NUB1: variants seen among roughly 807,000 people sequenced by gnomAD.
The protein encoded by NUB1 is NEDD8 ultimate buster 1.
A neutral mutation model predicts 77.1 loss-of-function variants in NUB1; 41 were observed. The ratio of observed to expected loss-of-function variants is 0.53; its 90% CI spans 0.41 to 0.69. NUB1 has a LOEUF of 0.69. NUB1 is among the 30% of genes least tolerant of loss of function. The pLI, the probability that NUB1 is intolerant of heterozygous loss-of-function variation, is 0.00. For missense variants in NUB1, 643 were observed against 743.8 expected, an observed-to-expected ratio of 0.86 and a Z score of 1.58; for synonymous variants, 257 against 281.0, an observed-to-expected ratio of 0.91 and a Z score of 0.85.
chr7:151,345,347 G>C lies in NUB1; in HGVS notation c.-2-1G>C. ...TTATTAATGTATTGTTTTGCTTTCA[G>C]GGATGGCACAAAAGAAATATCTTCA... On this transcript the variant is annotated splice_acceptor_variant, in intron 1 of 14. Coordinates refer to ENST00000568733, the MANE Select transcript of NUB1 (RefSeq NM_001243351.2). LOFTEE classifies it low-confidence loss of function (5UTR_SPLICE). 6.3e-7 allele frequency: 1 copy of C among 1,589,076 alleles called. No homozygotes were observed. The highest frequency in any genetic ancestry group is 1.1e-5 in the South Asian group (1 of 89,446).
chr7:151,358,267 C>T (rs772477333), intron 7 of NUB1, among the ~76,000 whole-genome samples: 3 of 152,194 alleles, frequency 2.0e-5, no homozygotes, highest in African/African-American at 4.8e-5. Flanking sequence ...CCACTGTGCC[C>T]GGCCAATGTT....
Position 151,376,628 on chromosome 7 carries a change from C to T in NUB1, c.1492-6C>T, listed in dbSNP as rs1798282830. ...CTGATGCTGTGACCCCTGCGCTCTC[C>T]CCTAGTTGGTGTACATGGGTTTTGA... On this transcript the variant is annotated splice_region_variant and splice_polypyrimidine_tract_variant and intron_variant, in intron 13 of 14. Transcript: ENST00000568733. 3 of 1,606,634 alleles carry T rather than the reference C, an allele frequency of 1.9e-6. No homozygotes were observed. Among genetic ancestry groups the T allele is most frequent in the Non-Finnish European group, 2.6e-6 (3 of 1,176,450 alleles).
At chr7:151,368,450 G>C (rs1797801950) in intron 10 of NUB1, among the ~76,000 whole-genome samples, 1 of 152,242 alleles carries the variant, frequency 6.6e-6, no homozygotes, top group Non-Finnish European at 1.5e-5. Flanking sequence ...GTGCACAGCT[G>C]AAATTCGGGG....
intron 8 of NUB1, among the ~76,000 whole-genome samples, chr7:151,365,423 A>AC (rs1797623808): frequency 6.6e-6 from 1 of 151,878 alleles, no homozygotes; most frequent in African/African-American, 2.4e-5. Flanking sequence ...ATTTCTGCCC[A>AC]CGCTCTTGAT....
intron 5 of NUB1, among the ~76,000 whole-genome samples, chr7:151,353,311 G>C (rs890049682): frequency 6.6e-6 from 1 of 152,160 alleles, no homozygotes; most frequent in Non-Finnish European, 1.5e-5. Flanking sequence ...GTGGCTGTGT[G>C]TGGAGAATGA....
At chr7:151,346,117 A>G (rs1796497555) in intron 2 of NUB1, among the ~76,000 whole-genome samples, 1 of 152,172 alleles carries the variant, frequency 6.6e-6, no homozygotes, top group South Asian at 2.1e-4. Flanking sequence ...TGTAACATTT[A>G]TCAGGGACTA....
At chr7:151,364,116 T>C (rs1198255557) in intron 8 of NUB1, among the ~76,000 whole-genome samples, 1 of 150,300 alleles carries the variant, frequency 6.7e-6, no homozygotes, top group Non-Finnish European at 1.5e-5. Context: ...GTTAAATAAA[T>C]ATTAATTTCA....
chr7:151,359,874 C>T (rs561187397), intron 7 of NUB1, among the ~76,000 whole-genome samples: 1 of 152,162 alleles, frequency 6.6e-6, no homozygotes, highest in Non-Finnish European at 1.5e-5. Flanking sequence ...GAATCCAGAT[C>T]AGTGGATACG....
Position 151,373,581 on chromosome 7 carries a change from G to T in NUB1, c.1249-516G>T, listed in dbSNP as rs566869257. ...GGCCTCAGAAGGCCCTGGAGTCCTT[G>T]CTCCCCAGGCTGTGGGGGGCGGGTC... On this transcript the variant is annotated intron_variant, in intron 11 of 14. Transcript: ENST00000568733. Among the ~76,000 whole-genome samples, 5 of 152,356 alleles carry T rather than the reference G, an allele frequency of 3.3e-5. No individual in the cohort carries two copies. In the South Asian group the frequency reaches 1.0e-3, roughly 32 times the overall value.
chr7:151,343,161 C>T (rs897891586), intron 1 of NUB1, among the ~76,000 whole-genome samples: 1 of 152,164 alleles, frequency 6.6e-6, no homozygotes, highest in South Asian at 2.1e-4. Context: ...AAAGCTAACG[C>T]TCTAAGTACT....
At chr7:151,353,131 A>G (rs1796897210) in intron 5 of NUB1, among the ~76,000 whole-genome samples, 1 of 152,202 alleles carries the variant, frequency 6.6e-6, no homozygotes, top group Non-Finnish European at 1.5e-5. Context: ...TAGAGAATGG[A>G]ATGTAAGGTG....
At chr7:151,344,916 C>A (rs151208071) in intron 1 of NUB1, among the ~76,000 whole-genome samples, 1 of 151,994 alleles carries the variant, frequency 6.6e-6, no homozygotes, top group Non-Finnish European at 1.5e-5. Context: ...AGGGGAATTG[C>A]TTGAACCCAG....
At position 151,377,090 on chromosome 7, in the gene NUB1, C is replaced by T. The variant is rs190514928; in HGVS notation, c.1713C>T (p.Ala571=). 9.5e-4 allele frequency: 1,495 copies of T among 1,578,936 alleles called. 4 individuals are homozygous for T. Among genetic ancestry groups the T allele is most frequent in the Non-Finnish European group, 1.2e-3 (1,444 of 1,163,146 alleles). ...ASTDEDMETE[A]VNEILEDIPE... ...CAGACGAAGACATGGAGACAGAGGC[C>T]GTCAATGAGATACTGGAAGACATTC... The change falls in exon 15 of 15, where the codon GCC becomes GCT. Residue 571 remains alanine, a synonymous_variant. Coordinates refer to ENST00000568733, the MANE Select transcript of NUB1 (RefSeq NM_001243351.2).
At chr7:151,352,943 C>CT in intron 5 of NUB1, 61 bp downstream of exon 5, 4 of 889,276 alleles carry the variant, frequency 4.5e-6, no homozygotes, top group Admixed American at 5.5e-5. Context: ...AATGACTTCC[C>CT]TTTTTTTCTC....
intron 2 of NUB1, among the ~76,000 whole-genome samples, chr7:151,346,767 A>G (rs1238207962): frequency 6.6e-6 from 1 of 152,216 alleles, no homozygotes. Context: ...TATCCTTTGT[A>G]ATGAACTATA....
At chr7:151,349,944 T>C (rs549084000) in intron 3 of NUB1, among the ~76,000 whole-genome samples, 1 of 152,332 alleles carries the variant, frequency 6.6e-6, no homozygotes, top group South Asian at 2.1e-4. Context: ...CTGGCTGTGC[T>C]GTTATTTATT....
chr7:151,355,367 G>C (rs1797018022), intron 5 of NUB1, among the ~76,000 whole-genome samples: 1 of 152,160 alleles, frequency 6.6e-6, no homozygotes, highest in Non-Finnish European at 1.5e-5. Flanking sequence ...TGGCGTGATG[G>C]TATGCAGGAT....
intron 11 of NUB1, chr7:151,369,113 T>G: frequency 2.8e-6 from 1 of 356,736 alleles, no homozygotes; most frequent in Non-Finnish European, 5.0e-6. Context: ...GTTCAAGCAA[T>G]TCTCGTGCCT....
At chr7:151,376,904 A>G (rs996286957) in intron 14 of NUB1, 93 bp downstream of exon 14, 1 of 1,457,022 alleles carries the variant, frequency 6.9e-7, no homozygotes, top group South Asian at 1.4e-5. Context: ...GTGGAGACTG[A>G]GGGGGCGTCC....
Sources: gnomAD v4.1 joint callset for allele counts (sites outside exome capture counted in the v4.1 genomes callset) on GRCh38, gnomAD v4.1.1 for gene constraint, MANE v1.5 for transcripts, NCBI Gene and HGNC (gene_info 2026-07-23, HGNC 2026-07-21) for gene names.